Variants in MAST2 observed in about 807,000 individuals in gnomAD.
The protein encoded by MAST2 is microtubule associated serine/threonine kinase 2, also known as microtubule-associated serine/threonine-protein kinase 2.
MAST2 carries 70 observed loss-of-function variants against 147.4 expected under a neutral mutation model. The ratio of observed to expected loss-of-function variants is 0.47; its 90% CI spans 0.39 to 0.58. The LOEUF (loss-of-function observed/expected upper bound fraction) is 0.58, where lower values mean the gene tolerates loss of function less well. MAST2 is among the 20% of genes least tolerant of loss of function. The pLI, the probability that MAST2 is intolerant of heterozygous loss-of-function variation, is 0.00. For missense variants in MAST2, 2,080 were observed against 2,302.3 expected, an observed-to-expected ratio of 0.90 and a Z score of 1.98; for synonymous variants, 869 against 896.8, an observed-to-expected ratio of 0.97 and a Z score of 0.55.
chr1:45,895,311 T>A (rs1229922105), intron 4 of MAST2, among the ~76,000 whole-genome samples: 1 of 152,232 alleles, frequency 6.6e-6, no homozygotes, highest in African/African-American at 2.4e-5. Context: ...TAAGTTTTTT[T>A]TTTATGGGCA....
At chr1:45,922,209 C>T (rs1170070923) in intron 4 of MAST2, among the ~76,000 whole-genome samples, 1 of 152,154 alleles carries the variant, frequency 6.6e-6, no homozygotes. Context: ...GGTCCATGGG[C>T]GGCCATGGGT....
At position 45,951,300 on chromosome 1, in the gene MAST2, A is replaced by T. The variant is rs144890198; in HGVS notation, c.501-8086A>T. 5.5e-4 allele frequency among the ~76,000 whole-genome samples: 84 copies of T among 151,564 alleles called. No homozygotes were observed. The East Asian group carries it at 0.013, about 24-fold the overall frequency. ...AAATTATTAAGAATATAAAAGAAGG[A>T]GGCTGGACATGATGGCTTATGCCTG... On this transcript the variant is annotated intron_variant, in intron 4 of 28. Coordinates refer to ENST00000361297, the MANE Select transcript of MAST2 (RefSeq NM_015112.3).
At chr1:45,981,055 GGTTTTGTTTT>G (rs544064989) in intron 5 of MAST2, among the ~76,000 whole-genome samples, 11 of 152,054 alleles carry the variant, frequency 7.2e-5, no homozygotes, top group Admixed American at 2.6e-4. Context: ...CTGAGGCTAT[GGTTTTGTTTT>G]GTTTTGTTTT....
At position 46,036,112 on chromosome 1, in the gene MAST2, C is replaced by T; in HGVS notation, c.*46C>T. The stretch of plus-strand genomic sequence containing the variant: ...CACTCAGACCTGTGTAATATATGCT[C>T]CTGGAAACCATCTTTATGTCTTTTG... On this transcript the variant is annotated 3_prime_UTR_variant, in exon 29 of 29. Transcript: ENST00000361297. 1.3e-6 allele frequency: 2 copies of T among 1,512,032 alleles called. No homozygotes were observed. Among genetic ancestry groups the T allele is most frequent in the Middle Eastern group, 1.8e-4 (1 of 5,508 alleles). The allele number at this position is 1,512,032 out of a possible 1,614,324, so 93.7% of individuals were successfully genotyped here. A position where few individuals can be genotyped will look rare whatever the true frequency, so the allele number is the denominator to read the frequency against.
chr1:45,855,409 C>G (rs1475493366), intron 3 of MAST2, among the ~76,000 whole-genome samples: 1 of 150,930 alleles, frequency 6.6e-6, no homozygotes, highest in South Asian at 2.1e-4. Flanking sequence ...TAATTCTTTT[C>G]ATCAGCATGT....
intron 5 of MAST2, among the ~76,000 whole-genome samples, chr1:45,963,009 G>C (rs913778903): frequency 3.3e-5 from 5 of 152,106 alleles, no homozygotes; most frequent in Non-Finnish European, 7.4e-5. Flanking sequence ...AGCACCATTT[G>C]TTAAATAGGG....
At chr1:45,911,604 T>G (rs1317900687) in intron 4 of MAST2, among the ~76,000 whole-genome samples, 1 of 152,134 alleles carries the variant, frequency 6.6e-6, no homozygotes, top group African/African-American at 2.4e-5. Context: ...AATTCATATA[T>G]AGGTAACCAG....
intron 3 of MAST2, among the ~76,000 whole-genome samples, chr1:45,880,542 G>A (rs1427146570): frequency 6.6e-6 from 1 of 152,154 alleles, no homozygotes; most frequent in Non-Finnish European, 1.5e-5. Flanking sequence ...GTAAGATTAA[G>A]TAATTTAAGA....
chr1:45,958,528 C>CAGAG (rs1198796524), intron 4 of MAST2, among the ~76,000 whole-genome samples: 2 of 150,986 alleles, frequency 1.3e-5, no homozygotes, highest in African/African-American at 4.9e-5. Flanking sequence ...CTCTCTCTCT[C>CAGAG]TCTCCCTCTA....
In MAST2 at chr1:45,849,209, C is replaced by A. The variant is rs578089320; in HGVS notation, c.468+19628C>A. On this transcript the variant is annotated intron_variant, in intron 3 of 28. Coordinates refer to ENST00000361297, the MANE Select transcript of MAST2 (RefSeq NM_015112.3). ...TTCCTATCAAACTACCAAGAACATTCTTCACAGAACTAGAAAAAACGATTT... is the reference window on the plus strand; with the variant it reads ...TTCCTATCAAACTACCAAGAACATTATTCACAGAACTAGAAAAAACGATTT... Among the ~76,000 whole-genome samples the A allele has an allele frequency of 3.3e-5, 5 of 152,274 alleles. No individual in the cohort carries two copies. The South Asian group carries it at 1.0e-3, about 32-fold the overall frequency.
chr1:45,909,044 C>A (rs557264809), intron 4 of MAST2, among the ~76,000 whole-genome samples: 7 of 152,114 alleles, frequency 4.6e-5, no homozygotes, highest in African/African-American at 7.2e-5. Flanking sequence ...TGCCTAAAAT[C>A]GAAACTTTTT....
chr1:45,856,301 AATAACAGTT>A (rs1486097540), intron 3 of MAST2, among the ~76,000 whole-genome samples: 1 of 152,238 alleles, frequency 6.6e-6, no homozygotes, highest in Admixed American at 6.5e-5. Flanking sequence ...ATCTAAAAAT[AATAACAGTT>A]ACAATTGTTT....
chr1:45,937,751 C>CAAAAAAAAAAAAAAA (rs34830747), intron 4 of MAST2, among the ~76,000 whole-genome samples: 5 of 73,216 alleles, frequency 6.8e-5, no homozygotes, highest in African/African-American at 2.7e-4. Flanking sequence ...AACTCCATCT[C>CAAAAAAAAAAAAAAA]AAAAAAAAAA....
intron 4 of MAST2, among the ~76,000 whole-genome samples, chr1:45,941,879 C>T (rs1657346766): frequency 6.6e-6 from 1 of 152,118 alleles, no homozygotes; most frequent in Non-Finnish European, 1.5e-5. Context: ...TATATTGTAA[C>T]ACAATTATGA....
intron 10 of MAST2, among the ~76,000 whole-genome samples, chr1:46,018,368 C>T (rs949595348): frequency 1.3e-5 from 2 of 152,166 alleles, no homozygotes; most frequent in African/African-American, 4.8e-5. Context: ...CTGCTGGACT[C>T]CTCCACTTTG....
At chr1:45,886,760 C>T (rs927076165) in intron 4 of MAST2, among the ~76,000 whole-genome samples, 5 of 152,144 alleles carry the variant, frequency 3.3e-5, no homozygotes. Flanking sequence ...TTTTCTTGCC[C>T]AATGCTATAG....
intron 4 of MAST2, among the ~76,000 whole-genome samples, chr1:45,910,339 A>T (rs1459114913): frequency 6.6e-6 from 1 of 152,130 alleles, no homozygotes; most frequent in Non-Finnish European, 1.5e-5. Context: ...GAAGTTTTTT[A>T]TTCTTTTAAA....
chr1:45,885,281 G>A (rs899474675), intron 4 of MAST2, among the ~76,000 whole-genome samples: 1 of 152,114 alleles, frequency 6.6e-6, no homozygotes, highest in African/African-American at 2.4e-5. Flanking sequence ...CTCATTCCAG[G>A]TTATAAAGGC....
At chr1:45,898,688 G>T (rs548467634) in intron 4 of MAST2, among the ~76,000 whole-genome samples, 1 of 152,214 alleles carries the variant, frequency 6.6e-6, no homozygotes, top group African/African-American at 2.4e-5. Flanking sequence ...GAGAATCTGC[G>T]CCATAGCCAT....
Sources: allele counts gnomAD v4.1 joint callset (sites outside exome capture counted in the v4.1 genomes callset), GRCh38; gene constraint gnomAD v4.1.1; transcripts MANE v1.5; gene names NCBI Gene and HGNC (gene_info 2026-07-23, HGNC 2026-07-21).